ARHGAP8: variants seen among roughly 807,000 people sequenced by gnomAD.
ARHGAP8 encodes Rho GTPase activating protein 8.
In ARHGAP8, 62 loss-of-function variants were observed where a neutral mutation model predicts 46.1. That is an observed-to-expected ratio of 1.34 (90% CI 1.10 to 1.66). The LOEUF is 1.66. ARHGAP8 is among the 40% of genes most tolerant of loss of function. The pLI, the probability that ARHGAP8 is intolerant of heterozygous loss-of-function variation, is 0.00. For missense variants in ARHGAP8, 923 were observed against 568.4 expected (o/e 1.62, Z -6.34); for synonymous variants, 375 against 243.1 (o/e 1.54, Z -5.05).
intron 1 of ARHGAP8, among the ~76,000 whole-genome samples, chr22:44,757,093 T>TTTTAAA (rs1366421796): frequency 2.0e-5 from 3 of 151,966 alleles, no homozygotes; most frequent in Admixed American, 6.6e-5. Context: ...ATTTTTAAAT[T>TTTTAAA]TTTGTAGAGA....
intron 10 of ARHGAP8, chr22:44,849,862 C>T (rs2070051411): frequency 6.6e-6 from 1 of 152,216 alleles, no homozygotes; most frequent in East Asian, 1.9e-4. Context: ...AAAGGGCAGC[C>T]TGGCCTTTGT....
At chr22:44,754,585 A>T (rs1203290391) in intron 1 of ARHGAP8, among the ~76,000 whole-genome samples, 2 of 151,984 alleles carry the variant, frequency 1.3e-5, no homozygotes, top group African/African-American at 4.8e-5. Flanking sequence ...CAAACTCCTG[A>T]CCTCAGACGA....
At chr22:44,779,429 C>G (rs528647140) in intron 1 of ARHGAP8, among the ~76,000 whole-genome samples, 3 of 151,982 alleles carry the variant, frequency 2.0e-5, no homozygotes, top group Non-Finnish European at 2.9e-5. Context: ...CAACATATTG[C>G]GAGACCACTC....
intron 1 of ARHGAP8, among the ~76,000 whole-genome samples, chr22:44,776,146 C>A (rs1926399983): frequency 6.6e-6 from 1 of 152,112 alleles, no homozygotes; most frequent in Admixed American, 6.6e-5. Flanking sequence ...GCTTCTGTAA[C>A]CCTCATTAAT....
chr22:44,794,412 C>T (rs758699177), intron 2 of ARHGAP8, among the ~76,000 whole-genome samples: 1 of 152,040 alleles, frequency 6.6e-6, no homozygotes, highest in Admixed American at 6.6e-5. Flanking sequence ...CTCTCTCTCT[C>T]TTTTAAACTT....
chr22:44,862,667 G>A lies in ARHGAP8; in HGVS notation c.*72G>A, dbSNP rs997963635. 23 of 1,477,022 alleles carry A rather than the reference G, an allele frequency of 1.6e-5. No individual in the cohort carries two copies. Among genetic ancestry groups the A allele is most frequent in the East Asian group, 4.6e-5 (2 of 43,106 alleles). The allele number at this position is 1,477,022 out of a possible 1,614,324, so 91.5% of individuals were successfully genotyped here. On this transcript the variant is annotated 3_prime_UTR_variant, in exon 12 of 12. Transcript: ENST00000356099. ...GTGCACTTGTATGTTTTGTAAACTTGGCATCTGTAAAAATAACCAGCCATT... is the reference window on the plus strand; with the variant it reads ...GTGCACTTGTATGTTTTGTAAACTTAGCATCTGTAAAAATAACCAGCCATT...
intron 4 of ARHGAP8, among the ~76,000 whole-genome samples, chr22:44,811,717 T>G (rs9626568): frequency 2.0e-5 from 3 of 151,854 alleles, no homozygotes; most frequent in Admixed American, 6.6e-5. Flanking sequence ...GTGCTCCAAA[T>G]AGAATTAGAT....
chr22:44,858,368 GGTT>G (rs2070301115), intron 10 of ARHGAP8, among the ~76,000 whole-genome samples: 2 of 100,630 alleles, frequency 2.0e-5, no homozygotes, highest in African/African-American at 7.1e-5. Context: ...GGTTGGTGGT[GGTT>G]TTTTTTTTTT....
chr22:44,802,316 C>T, intron 3 of ARHGAP8, 152 bp downstream of exon 3: 1 of 954,748 alleles, frequency 1.0e-6, no homozygotes, highest in Non-Finnish European at 1.5e-6. Flanking sequence ...CATGAGCCTA[C>T]CCGAGGGCCA....
At chr22:44,856,314 C>A (rs1019320087) in intron 10 of ARHGAP8, among the ~76,000 whole-genome samples, 19 of 125,680 alleles carry the variant, frequency 1.5e-4, no homozygotes, top group African/African-American at 5.6e-4. Context: ...CTCTGTTGCC[C>A]AGGCCAGAGT....
chr22:44,844,823 A>G (rs1011501248), intron 7 of ARHGAP8, among the ~76,000 whole-genome samples: 1 of 152,212 alleles, frequency 6.6e-6, no homozygotes, highest in African/African-American at 2.4e-5. Flanking sequence ...GTTAACCCAG[A>G]TAACATACTG....
chr22:44,802,249 T>C (rs2147081081), intron 3 of ARHGAP8, 85 bp downstream of exon 3: 1 of 1,530,552 alleles, frequency 6.5e-7, no homozygotes, highest in Non-Finnish European at 8.9e-7. Context: ...CTCTGAGTCA[T>C]CTGCTGTGGT....
intron 1 of ARHGAP8, among the ~76,000 whole-genome samples, chr22:44,757,988 A>G (rs957186768): frequency 9.2e-5 from 14 of 152,080 alleles, no homozygotes; most frequent in Non-Finnish European, 1.8e-4. Flanking sequence ...AGTGGTCTCC[A>G]CCTCAGAGGT....
chr22:44,848,489 G>T (rs1601517909), intron 9 of ARHGAP8, among the ~76,000 whole-genome samples: 1 of 152,384 alleles, frequency 6.6e-6, no homozygotes, highest in East Asian at 1.9e-4. Flanking sequence ...TGAAGGCGCT[G>T]TCTTGCTGAC....
intron 7 of ARHGAP8, among the ~76,000 whole-genome samples, chr22:44,840,706 G>A (rs375703473): frequency 1.2e-4 from 18 of 152,194 alleles, no homozygotes; most frequent in African/African-American, 4.1e-4. Flanking sequence ...TTTTGTCAGT[G>A]CCGTTGGCTC....
At chr22:44,827,744 A>C (rs2147126943) in intron 7 of ARHGAP8, among the ~76,000 whole-genome samples, 1 of 152,114 alleles carries the variant, frequency 6.6e-6, no homozygotes, top group East Asian at 1.9e-4. Context: ...GTATAGGGGG[A>C]GGGAAGTGTG....
At chr22:44,792,350 C>T (rs1318992364) in intron 2 of ARHGAP8, among the ~76,000 whole-genome samples, 2 of 152,106 alleles carry the variant, frequency 1.3e-5, no homozygotes, top group African/African-American at 2.4e-5. Context: ...CAGAGAACAT[C>T]CCCAGATGGC....
At chr22:44,805,558 G>GTAAGA (rs112077726) in intron 3 of ARHGAP8, among the ~76,000 whole-genome samples, 14,535 of 152,222 alleles carry the variant, frequency 0.095, 876 homozygotes, top group African/African-American at 0.16. Flanking sequence ...GGTGGAAGTA[G>GTAAGA]TAAGCATGGC....
chr22:44,820,996 CAAAAT>C (rs375190798), intron 5 of ARHGAP8, among the ~76,000 whole-genome samples: 148 of 152,162 alleles, frequency 9.7e-4, no homozygotes, highest in African/African-American at 3.4e-3. Flanking sequence ...TTTGATTTCA[CAAAAT>C]AAACGACATT....
Sources: allele counts gnomAD v4.1 joint callset (sites outside exome capture counted in the v4.1 genomes callset), GRCh38; gene constraint gnomAD v4.1.1; transcripts MANE v1.5; gene names NCBI Gene and HGNC (gene_info 2026-07-23, HGNC 2026-07-21).